Variants in ZMYND8 observed in about 807,000 individuals in gnomAD.
ZMYND8 encodes MYND-type zinc finger-containing chromatin reader ZMYND8.
ZMYND8 carries 37 observed loss-of-function variants against 140.8 expected under a neutral mutation model. The ratio of observed to expected loss-of-function variants is 0.26; its 90% CI spans 0.20 to 0.35. The LOEUF (loss-of-function observed/expected upper bound fraction) is 0.35, where lower values mean the gene tolerates loss of function less well. ZMYND8 is among the 10% of genes least tolerant of loss of function. The probability of loss-of-function intolerance (pLI) is 1.00; values close to 1 mark genes in which losing one functional copy is unlikely to be tolerated. For synonymous variants in ZMYND8, 592 were observed against 597.1 expected, an observed-to-expected ratio of 0.99 and a Z score of 0.12; for missense variants, 1,068 against 1,570.0, an observed-to-expected ratio of 0.68 and a Z score of 5.40.
intron 21 of ZMYND8, among the ~76,000 whole-genome samples, chr20:47,218,640 G>T (rs2036471328): frequency 6.6e-6 from 1 of 152,146 alleles, no homozygotes; most frequent in Admixed American, 6.5e-5. Flanking sequence ...AAGAGAATCA[G>T]GAAATATGAG....
intron 11 of ZMYND8, 69 bp from the exon 12 acceptor site, chr20:47,262,497 A>C: frequency 6.3e-7 from 1 of 1,589,332 alleles, no homozygotes; most frequent in South Asian, 1.1e-5. Flanking sequence ...GGTGTGGTGT[A>C]GGGAGAGAAT....
chr20:47,242,167 A>G (rs1464756407), intron 14 of ZMYND8, among the ~76,000 whole-genome samples: 1 of 152,188 alleles, frequency 6.6e-6, no homozygotes, highest in African/African-American at 2.4e-5. Flanking sequence ...CATGAGCCTG[A>G]TTACTCCAGC....
At chr20:47,216,191 T>A (rs534583148) in intron 21 of ZMYND8, among the ~76,000 whole-genome samples, 1 of 151,820 alleles carries the variant, frequency 6.6e-6, no homozygotes, top group South Asian at 2.1e-4. Context: ...AACAAAAAAC[T>A]TGGGTCACAA....
chr20:47,257,336 T>A (rs2074813092), intron 12 of ZMYND8, among the ~76,000 whole-genome samples: 3 of 151,828 alleles, frequency 2.0e-5, no homozygotes, highest in Non-Finnish European at 2.9e-5. Flanking sequence ...CAAATACACA[T>A]ACACTCACCA....
chr20:47,309,076 CATTTT>C (rs1305513170), intron 3 of ZMYND8, among the ~76,000 whole-genome samples: 2 of 152,160 alleles, frequency 1.3e-5, no homozygotes, highest in Non-Finnish European at 2.9e-5. Context: ...AGTGCCTCTC[CATTTT>C]TGTAATCTGA....
intron 13 of ZMYND8, among the ~76,000 whole-genome samples, chr20:47,248,665 T>C (rs958504968): frequency 2.0e-5 from 3 of 152,168 alleles, no homozygotes; most frequent in Admixed American, 6.5e-5. Context: ...CCAGTCTAGA[T>C]TGGGAGGGAC....
chr20:47,326,347 C>A (rs1034801708), intron 2 of ZMYND8, among the ~76,000 whole-genome samples: 7 of 152,154 alleles, frequency 4.6e-5, no homozygotes, highest in Non-Finnish European at 8.8e-5. Flanking sequence ...GGTGATCCAC[C>A]CGCCTCGGCC....
intron 17 of ZMYND8, among the ~76,000 whole-genome samples, chr20:47,227,965 C>T (rs1007387148): frequency 2.0e-5 from 3 of 152,044 alleles, no homozygotes; most frequent in Non-Finnish European, 2.9e-5. Flanking sequence ...TGGCGGCGCA[C>T]GCCTGTAATC....
rs1279541735 is a variant in ZMYND8 at position 47,224,313 on chromosome 20, T to C, written c.3256+4A>G. The C allele has an allele frequency of 6.2e-7, 1 of 1,614,048 alleles. No homozygotes were observed. The highest frequency in any genetic ancestry group is 2.2e-5 in the East Asian group (1 of 44,898). ...GGACGGGAGGCAGCCCCACAGGGCATTACCTGACTGGGTGCAGGACTTCAT... is the reference window on the plus strand; with the variant it reads ...GGACGGGAGGCAGCCCCACAGGGCACTACCTGACTGGGTGCAGGACTTCAT... On this transcript the variant is annotated splice_donor_region_variant and intron_variant, in intron 19 of 22. Coordinates refer to ENST00000471951, the MANE Select transcript of ZMYND8 (RefSeq NM_001281775.3).
chr20:47,356,483 C>A, intron 1 of ZMYND8, 174 bp downstream of exon 1: 63 of 1,584,976 alleles, frequency 4.0e-5, no homozygotes, highest in African/African-American at 1.3e-5. Context: ...CTAATGGCTA[C>A]TGAGCCATGT....
intron 15 of ZMYND8, 197 bp downstream of exon 15, chr20:47,238,561 C>CT: frequency 9.5e-7 from 1 of 1,052,510 alleles, no homozygotes; most frequent in Non-Finnish European, 1.4e-6. Flanking sequence ...ACAAAAAAAA[C>CT]TTTTTGAAAG....
Position 47,256,026 on chromosome 20 carries a change from T to C in ZMYND8, c.1621+6262A>G, listed in dbSNP as rs530211509. 7.4e-3 allele frequency among the ~76,000 whole-genome samples: 1,078 copies of C among 145,822 alleles called. 18 individuals carry two copies. Among genetic ancestry groups the C allele is most frequent in the African/African-American group, 0.025 (996 of 39,134 alleles). ...AGGTGGAGGTTGCAGAGAGCCGAGA[T>C]TGTACCATTGCACTCCAGCCTGGGC... is the stretch of plus-strand genomic sequence containing the variant. On this transcript the variant is annotated intron_variant, in intron 12 of 22. Transcript: ENST00000471951.
At chr20:47,291,915 A>G in intron 5 of ZMYND8, 27 bp from the exon 6 acceptor site, 1 of 1,589,424 alleles carries the variant, frequency 6.3e-7, no homozygotes, top group Non-Finnish European at 8.6e-7. Context: ...ATGCAGAGGA[A>G]CGAACCCATC....
intron 2 of ZMYND8, among the ~76,000 whole-genome samples, chr20:47,332,029 C>T (rs188399452): frequency 2.0e-4 from 31 of 152,270 alleles, no homozygotes; most frequent in African/African-American, 5.5e-4. Context: ...TGGTGAAACC[C>T]CGTCTCTACT....
At chr20:47,279,056 G>T (rs555881218) in intron 10 of ZMYND8, among the ~76,000 whole-genome samples, 1 of 151,900 alleles carries the variant, frequency 6.6e-6, no homozygotes, top group Non-Finnish European at 1.5e-5. Flanking sequence ...CCCCTGACCT[G>T]CTCCACACCC....
chr20:47,265,037 C>CAAAAAAAA lies in ZMYND8; in HGVS notation c.1481-2610_1481-2609insTTTTTTTT, dbSNP rs1487791973. On this transcript the variant is annotated intron_variant, in intron 11 of 22. Coordinates refer to ENST00000471951, the MANE Select transcript of ZMYND8 (RefSeq NM_001281775.3). ...GGGACACAGAGAGAGACCCTGTCCC[C>CAAAAAAAA]AAAAAAATATATATACATATATATA... 2.9e-3 allele frequency among the ~76,000 whole-genome samples: 256 copies of CAAAAAAAA among 89,718 alleles called. 2 individuals are homozygous for CAAAAAAAA. Among genetic ancestry groups the CAAAAAAAA allele is most frequent in the African/African-American group, 0.01 (250 of 23,906 alleles). 58.9% of individuals were successfully genotyped at this position (89,718 alleles called of 152,430 possible). A position where few individuals can be genotyped will look rare whatever the true frequency, so the allele number is the denominator to read the frequency against.
intron 11 of ZMYND8, among the ~76,000 whole-genome samples, chr20:47,271,598 T>C (rs1228917045): frequency 2.0e-5 from 3 of 152,196 alleles, no homozygotes; most frequent in South Asian, 2.1e-4. Context: ...AGCTTAACAG[T>C]AGGACTTATA....
intron 2 of ZMYND8, among the ~76,000 whole-genome samples, chr20:47,327,417 G>A (rs2080525150): frequency 6.6e-6 from 1 of 151,960 alleles, no homozygotes; most frequent in Non-Finnish European, 1.5e-5. Flanking sequence ...ACTTTGGGAG[G>A]CCAAGGCAGG....
chr20:47,238,448 G>T, intron 15 of ZMYND8: 1 of 456,968 alleles, frequency 2.2e-6, no homozygotes, highest in Non-Finnish European at 4.0e-6. Flanking sequence ...CACTGTGGAA[G>T]GGAAGAGAAT....
Sources: gnomAD v4.1 joint callset for allele counts (sites outside exome capture counted in the v4.1 genomes callset) on GRCh38, gnomAD v4.1.1 for gene constraint, MANE v1.5 for transcripts, NCBI Gene and HGNC (gene_info 2026-07-23, HGNC 2026-07-21) for gene names.